The following PIK3AP1 variants were observed in gnomAD, a reference collection of about 807,000 sequenced individuals.
PIK3AP1 encodes the protein phosphoinositide 3-kinase adapter protein 1.
Under a neutral mutation model 88.1 loss-of-function variants are expected in PIK3AP1, and 21 were observed. The ratio of observed to expected loss-of-function variants is 0.24; its 90% CI spans 0.17 to 0.34. The LOEUF (loss-of-function observed/expected upper bound fraction) is 0.34, where lower values mean the gene tolerates loss of function less well. Ranked by LOEUF, PIK3AP1 falls within the 10% of genes least tolerant of loss-of-function variation. The pLI, the probability that PIK3AP1 is intolerant of heterozygous loss-of-function variation, is 1.00. For synonymous variants in PIK3AP1, 398 were observed against 400.0 expected (o/e 1.00, Z 0.06); for missense variants, 828 against 1,035.7 (o/e 0.80, Z 2.75).
At chr10:96,714,306 A>G (rs558128174) in intron 1 of PIK3AP1, among the ~76,000 whole-genome samples, 18 of 152,360 alleles carry the variant, frequency 1.2e-4, no homozygotes, top group Non-Finnish European at 1.0e-4. Context: ...TCCTCAGAAC[A>G]ATCCACAAAG....
At chr10:96,704,075 A>T (rs1589547699) in intron 2 of PIK3AP1, among the ~76,000 whole-genome samples, 2 of 152,352 alleles carry the variant, frequency 1.3e-5, no homozygotes, top group East Asian at 3.9e-4. Context: ...TGATCTCAGT[A>T]GCACCCCATC....
At chr10:96,707,476 G>A (rs1042453841) in intron 2 of PIK3AP1, among the ~76,000 whole-genome samples, 1 of 152,044 alleles carries the variant, frequency 6.6e-6, no homozygotes. Flanking sequence ...TATTTTTTTA[G>A]TAGAGATGGA....
chr10:96,610,526 G>T (rs2134190342), intron 13 of PIK3AP1, among the ~76,000 whole-genome samples: 1 of 141,188 alleles, frequency 7.1e-6, no homozygotes, highest in South Asian at 2.6e-4. Flanking sequence ...TCTGCACAAG[G>T]AACGGATGGT....
chr10:96,598,024 GTT>G (rs55878658), intron 16 of PIK3AP1, among the ~76,000 whole-genome samples: 1 of 145,634 alleles, frequency 6.9e-6, no homozygotes, highest in South Asian at 2.1e-4. Flanking sequence ...ATTATAGTGG[GTT>G]TTTTTTGTTT....
intron 2 of PIK3AP1, among the ~76,000 whole-genome samples, chr10:96,701,325 G>T (rs139943865): frequency 3.3e-5 from 5 of 152,260 alleles, no homozygotes; most frequent in African/African-American, 1.2e-4. Flanking sequence ...AGACTTAGGG[G>T]AGAAGCAAGG....
intron 13 of PIK3AP1, among the ~76,000 whole-genome samples, chr10:96,610,301 CCAAG>C (rs1215021720): frequency 6.6e-6 from 1 of 152,122 alleles, no homozygotes; most frequent in African/African-American, 2.4e-5. Context: ...GCCCTATGCA[CCAAG>C]CAGAGTTCTG....
intron 2 of PIK3AP1, among the ~76,000 whole-genome samples, chr10:96,677,578 TACAC>T (rs35018772): frequency 0.067 from 8,144 of 121,068 alleles, 204 homozygotes; most frequent in African/African-American, 0.078. Flanking sequence ...ACTAAGCACA[TACAC>T]ACACACACAC....
Position 96,647,322 on chromosome 10 carries a change from C to T in PIK3AP1, c.1185+1337G>A, listed in dbSNP as rs547597893. Among the ~76,000 whole-genome samples, 17 of 152,286 alleles carry T rather than the reference C, an allele frequency of 1.1e-4. No homozygotes were observed. In the South Asian group the frequency reaches 2.5e-3, roughly 22 times the overall value. On this transcript the variant is annotated intron_variant, in intron 7 of 16. Transcript: ENST00000339364. ...GCACAGTGACTTTGCCTTTCTAAGC[C>T]GTTTTCCTCTTTTGTAAAGTAAGGC... is the stretch of plus-strand genomic sequence containing the variant.
intron 13 of PIK3AP1, among the ~76,000 whole-genome samples, chr10:96,611,173 G>A (rs565949888): frequency 5.8e-4 from 88 of 152,360 alleles, no homozygotes; most frequent in Non-Finnish European, 1.0e-3. Flanking sequence ...AATGATCAGA[G>A]TGGATTGTTG....
In PIK3AP1 at chr10:96,652,687, G is replaced by GAGAAGGGTC. The variant is rs1843556483; in HGVS notation, c.712+10_712+11insGACCCTTCT. ...AGCCCTATGTCATCACATTCACAGG[G>GAGAAGGGTC]GACTACTTACTGGGAGCCTTCACTG... On this transcript the variant is annotated intron_variant, in intron 4 of 16. Coordinates refer to ENST00000339364, the MANE Select transcript of PIK3AP1 (RefSeq NM_152309.3). 6.2e-7 allele frequency: 1 copy of GAGAAGGGTC among 1,613,740 alleles called. No individual in the cohort carries two copies. Among genetic ancestry groups the GAGAAGGGTC allele is most frequent in the Non-Finnish European group, 8.5e-7 (1 of 1,179,808 alleles).
intron 11 of PIK3AP1, 107 bp downstream of exon 11, chr10:96,623,365 G>T: frequency 6.2e-6 from 7 of 1,123,666 alleles, no homozygotes; most frequent in Non-Finnish European, 9.1e-6. Context: ...GCCTGGCCTA[G>T]ATCCCTCTAT....
intron 8 of PIK3AP1, among the ~76,000 whole-genome samples, chr10:96,636,281 C>T (rs933136027): frequency 6.6e-6 from 1 of 152,070 alleles, no homozygotes; most frequent in Non-Finnish European, 1.5e-5. Flanking sequence ...GAAAAAAATA[C>T]TGGCCAACTG....
In PIK3AP1 at chr10:96,602,659, C is replaced by T. The variant is rs140968613; in HGVS notation, c.2242-261G>A. ...TGCTACTCAAAGTGTGCTCTGTGGC[C>T]GGTCAGCATCAGCATCAGGTGGAAG... On this transcript the variant is annotated intron_variant, in intron 15 of 16. Coordinates refer to ENST00000339364, the MANE Select transcript of PIK3AP1 (RefSeq NM_152309.3). 5.8e-4 allele frequency among the ~76,000 whole-genome samples: 88 copies of T among 152,204 alleles called. 1 individual carries two copies. In the East Asian group the frequency reaches 0.014, roughly 24 times the overall value.
intron 8 of PIK3AP1, among the ~76,000 whole-genome samples, chr10:96,637,314 T>TCACACACACACACA (rs55885337): frequency 2.5e-4 from 32 of 128,080 alleles, no homozygotes; most frequent in African/African-American, 7.3e-4. Context: ...AGATATACAA[T>TCACACACACACACA]CACACACACA....
intron 14 of PIK3AP1, among the ~76,000 whole-genome samples, chr10:96,605,153 G>A (rs7073682): frequency 6.6e-6 from 1 of 151,976 alleles, no homozygotes. Flanking sequence ...CTACCATGCC[G>A]GGCCCTCAGA....
At chr10:96,628,889 C>CATATAA (rs1554955371) in intron 8 of PIK3AP1, among the ~76,000 whole-genome samples, 1 of 60,852 alleles carries the variant, frequency 1.6e-5, no homozygotes, top group Non-Finnish European at 3.1e-5. Flanking sequence ...TATATATATA[C>CATATAA]ATATATATAT....
At chr10:96,703,033 C>T (rs192024723) in intron 2 of PIK3AP1, among the ~76,000 whole-genome samples, 7 of 152,246 alleles carry the variant, frequency 4.6e-5, no homozygotes, top group East Asian at 3.9e-4. Flanking sequence ...CATGCCACCA[C>T]GTCCAGCTAA....
chr10:96,666,720 T>C (rs979049718), intron 2 of PIK3AP1, among the ~76,000 whole-genome samples: 1 of 152,086 alleles, frequency 6.6e-6, no homozygotes, highest in Admixed American at 6.6e-5. Flanking sequence ...GACTGCTCAA[T>C]AGTCCTAATC....
At chr10:96,670,651 C>T (rs1449519671) in intron 2 of PIK3AP1, among the ~76,000 whole-genome samples, 2 of 152,152 alleles carry the variant, frequency 1.3e-5, no homozygotes, top group Non-Finnish European at 2.9e-5. Flanking sequence ...ACCCTGATTC[C>T]CATGCAGGGT....
Sources: gnomAD v4.1 joint callset for allele counts (sites outside exome capture counted in the v4.1 genomes callset) on GRCh38, gnomAD v4.1.1 for gene constraint, MANE v1.5 for transcripts, NCBI Gene and HGNC (gene_info 2026-07-23, HGNC 2026-07-21) for gene names.